Variants in TBCD observed in about 807,000 individuals in gnomAD.
The protein encoded by TBCD is tubulin folding cofactor D.
TBCD carries 105 observed loss-of-function variants against 169.3 expected under a neutral mutation model. The ratio of observed to expected loss-of-function variants is 0.62; its 90% CI spans 0.53 to 0.73. The LOEUF is 0.73. Among genes scored for constraint, TBCD ranks in the 30% least tolerant of loss-of-function variants. The pLI is 0.00. For synonymous variants in TBCD, 700 were observed against 643.9 expected (o/e 1.09, Z -1.32); for missense variants, 1,444 against 1,600.1 (o/e 0.90, Z 1.66).
chr17:82,772,511 A>G lies in TBCD; in HGVS notation c.638+4A>G. 1 of 1,613,746 alleles carries G rather than the reference A, an allele frequency of 6.2e-7. No individual in the cohort carries two copies. The highest frequency in any genetic ancestry group is 8.5e-7 in the Non-Finnish European group (1 of 1,179,820). ...CAGCTGCTGTCCTTGTGTCCAGGTA[A>G]GTTTCCATGGCACATTTCTTGGTGT... On this transcript the variant is annotated splice_donor_region_variant and intron_variant, in intron 6 of 38. Transcript: ENST00000355528.
In TBCD at chr17:82,939,578, G is replaced by A. The variant is rs540215535; in HGVS notation, c.3479+102G>A. ...CTCTCCCAAAACCCTCTGATAGGAG[G>A]AGGAAAGAGGGTTCCCAGGTCTCCA... On this transcript the variant is annotated intron_variant, in intron 37 of 38. Transcript: ENST00000355528. 6.4e-6 allele frequency: 6 copies of A among 934,514 alleles called. No individual in the cohort carries two copies. The East Asian group carries it at 1.6e-4, about 25-fold the overall frequency. The allele number at this position is 934,514 out of a possible 1,614,324, so 57.9% of individuals were successfully genotyped here.
intron 7 of TBCD, among the ~76,000 whole-genome samples, chr17:82,783,536 C>CGTG (rs1405729182): frequency 3.9e-5 from 6 of 152,174 alleles, no homozygotes; most frequent in African/African-American, 1.2e-4. Flanking sequence ...CCCCTGCAGC[C>CGTG]GTGGATCCAT....
At position 82,884,219 on chromosome 17, in the gene TBCD, T is replaced by A. The variant is rs2058570391; in HGVS notation, c.1533+17T>A. ...GCAGCCTCTGTAAGTTTTCTCATTT[T>A]GATATTTCCTTTCCTGAAGGTGGGG... On this transcript the variant is annotated intron_variant, in intron 15 of 38. Coordinates refer to ENST00000355528, the MANE Select transcript of TBCD (RefSeq NM_005993.5). This position sits in a 1 kb window ranked among gnomAD's most constrained non-coding sequence, Gnocchi z 4.2. The A allele has an allele frequency of 6.3e-7, 1 of 1,593,102 alleles. No homozygotes were observed. Among genetic ancestry groups the A allele is most frequent in the South Asian group, 1.1e-5 (1 of 87,756 alleles).
chr17:82,815,010 C>T, intron 13 of TBCD, 76 bp downstream of exon 13: 2 of 1,588,728 alleles, frequency 1.3e-6, no homozygotes, highest in Non-Finnish European at 1.7e-6. Flanking sequence ...TTGCTGCCAT[C>T]TCGACTCGTG....
At chr17:82,839,040 T>C (rs906504738) in intron 13 of TBCD, 4 of 922,410 alleles carry the variant, frequency 4.3e-6, no homozygotes, top group South Asian at 5.0e-5. Flanking sequence ...TGTGTCTATA[T>C]GTACAGAAGA....
chr17:82,925,177 G>T lies in TBCD; in HGVS notation c.2379+120G>T, dbSNP rs879180308. 3 of 827,584 alleles carry T rather than the reference G, an allele frequency of 3.6e-6. No individual in the cohort carries two copies. The South Asian group carries it at 5.6e-5, about 15-fold the overall frequency. 51.3% of individuals were successfully genotyped at this position (827,584 alleles called of 1,614,324 possible). A position where few individuals can be genotyped will look rare whatever the true frequency, so the allele number is the denominator to read the frequency against. On this transcript the variant is annotated intron_variant, in intron 27 of 38. Coordinates refer to ENST00000355528, the MANE Select transcript of TBCD (RefSeq NM_005993.5). Reference sequence around the variant, plus strand: ...CATCAGTGCTTGTAGCTGGGAGGGGGTTCCTGGAAACCGGCACCTGTGGCC... The same window carrying T: ...CATCAGTGCTTGTAGCTGGGAGGGGTTTCCTGGAAACCGGCACCTGTGGCC...
chr17:82,781,100 G>T (rs1479037530), intron 6 of TBCD, among the ~76,000 whole-genome samples: 1 of 152,028 alleles, frequency 6.6e-6, no homozygotes, highest in Non-Finnish European at 1.5e-5. Flanking sequence ...GCTGGCTGTG[G>T]AAACAGGCCT....
intron 21 of TBCD, chr17:82,908,387 G>C (rs746157899): frequency 2.2e-6 from 1 of 456,236 alleles, no homozygotes; most frequent in Non-Finnish European, 4.4e-6. Flanking sequence ...GAGACAGTGT[G>C]TTCATCTTTC....
chr17:82,825,965 A>G (rs924277057), intron 13 of TBCD, among the ~76,000 whole-genome samples: 3 of 152,212 alleles, frequency 2.0e-5, no homozygotes, highest in Non-Finnish European at 4.4e-5. Context: ...GACCCTGTCT[A>G]AAAAACAATT....
At chr17:82,872,972 AGCCAGGCCCGGCACCTCGTGGCCGACG>A (rs2057710983) in intron 14 of TBCD, among the ~76,000 whole-genome samples, 3 of 149,668 alleles carry the variant, frequency 2.0e-5, no homozygotes, top group African/African-American at 7.5e-5. Context: ...ACGGCTTCTG[AGCCAGGCCCGGCACCTCGTGGCCGACG>A]GCTTCTGAGC....
In TBCD at chr17:82,832,670, C is replaced by T. The variant is rs946420802; in HGVS notation, c.1318+17736C>T. 7.9e-5 allele frequency: 47 copies of T among 594,780 alleles called. No homozygotes were observed. Among genetic ancestry groups the T allele is most frequent in the Middle Eastern group, 4.4e-4 (1 of 2,248 alleles). The allele number at this position is 594,780 out of a possible 1,614,324, so 36.8% of individuals were successfully genotyped here. A position where few individuals can be genotyped will look rare whatever the true frequency, so the allele number is the denominator to read the frequency against. ...AAGAGCAGTCTTGGTGTCAGGACAG[C>T]GAGTGAGGGGTCGGCGAGAAGCCGG... On this transcript the variant is annotated intron_variant, in intron 13 of 38. Coordinates refer to ENST00000355528, the MANE Select transcript of TBCD (RefSeq NM_005993.5). The surrounding 1 kb of genome is among the most constrained non-coding windows in gnomAD (Gnocchi z 4.9).
At chr17:82,894,387 A>G (rs2146478169) in intron 17 of TBCD, among the ~76,000 whole-genome samples, 1 of 152,230 alleles carries the variant, frequency 6.6e-6, no homozygotes. Flanking sequence ...GTGTGACTTT[A>G]TGAAGTGATT....
intron 27 of TBCD, 36 bp downstream of exon 27, chr17:82,925,093 G>A: frequency 6.7e-7 from 1 of 1,502,840 alleles, no homozygotes; most frequent in Non-Finnish European, 9.0e-7. Flanking sequence ...GGGGCCTAGG[G>A]CGAGGGTGTG....
At chr17:82,798,727 C>G (rs990318013) in intron 8 of TBCD, among the ~76,000 whole-genome samples, 1 of 149,792 alleles carries the variant, frequency 6.7e-6, no homozygotes, top group Admixed American at 6.7e-5. Flanking sequence ...CAGCCACCAC[C>G]TCTTTTGCCT....
At chr17:82,780,333 T>A (rs1233037653) in intron 6 of TBCD, among the ~76,000 whole-genome samples, 1 of 152,140 alleles carries the variant, frequency 6.6e-6, no homozygotes, top group Non-Finnish European at 1.5e-5. Flanking sequence ...CCCAGCTGTT[T>A]GTCGTTTCTC....
chr17:82,755,357 AC>A (rs1342030602), intron 1 of TBCD, among the ~76,000 whole-genome samples: 1 of 152,250 alleles, frequency 6.6e-6, no homozygotes, highest in Non-Finnish European at 1.5e-5. Flanking sequence ...CAGGGAAAAG[AC>A]CTAGAAAAGG....
At chr17:82,767,498 A>G (rs2048074253) in intron 4 of TBCD, among the ~76,000 whole-genome samples, 1 of 151,982 alleles carries the variant, frequency 6.6e-6, no homozygotes, top group South Asian at 2.1e-4. Flanking sequence ...TTGGAGAGCA[A>G]TGGCACAATC....
chr17:82,939,045 G>T (rs566394721), intron 36 of TBCD: 1 of 388,276 alleles, frequency 2.6e-6, no homozygotes, highest in African/African-American at 2.2e-5. Flanking sequence ...TGAGGGAGCA[G>T]GTTAGTTAAT....
Position 82,805,993 on chromosome 17 carries a change from GGGGTGGAGC to G in TBCD, c.1071_1079del (p.Glu359_Val361del). 1.2e-6 allele frequency: 2 copies of G among 1,613,758 alleles called. No individual in the cohort carries two copies. The highest frequency in any genetic ancestry group is 1.7e-6 in the Non-Finnish European group (2 of 1,179,720). On this transcript the variant is annotated inframe_deletion, in exon 10 of 39. Coordinates refer to ENST00000355528, the MANE Select transcript of TBCD (RefSeq NM_005993.5). ...CGACGAAGATGACGACGTCCCAGAGGGGGTGGAGCGTGTGATAGGTGCGTGGGGTCTAAG... is the reference window on the plus strand; with the variant it reads ...CGACGAAGATGACGACGTCCCAGAGGGTGTGATAGGTGCGTGGGGTCTAAG...
Sources: gnomAD v4.1 joint callset for allele counts (sites outside exome capture counted in the v4.1 genomes callset) on GRCh38, gnomAD v4.1.1 for gene constraint, Gnocchi (gnomAD v3.1) non-coding constraint, MANE v1.5 for transcripts, NCBI Gene and HGNC (gene_info 2026-07-23, HGNC 2026-07-21) for gene names.